DCPH1: variants seen among roughly 807,000 people sequenced by gnomAD.
DCPH1 encodes the protein damage-control phosphatase 1.
At chr6:151,461,671 CA>C in the DCPH1 span, among the ~76,000 whole-genome samples, 1 of 151,614 alleles carries the variant, frequency 6.6e-6, no homozygotes, top group Admixed American at 6.6e-5. Context: ...AACTCCGTCT[CA>C]AAAAAAACAC....
chr6:151,455,060 A>G, the DCPH1 span, among the ~76,000 whole-genome samples: 2 of 152,230 alleles, frequency 1.3e-5, no homozygotes, highest in Admixed American at 6.5e-5. Context: ...TCAAGCTGCT[A>G]TGCAAAGCTC....
chr6:151,460,804 A>G, the DCPH1 span, among the ~76,000 whole-genome samples: 4 of 151,876 alleles, frequency 2.6e-5, no homozygotes, highest in African/African-American at 7.3e-5. Context: ...CAAAAAAACA[A>G]CAAAAAAAAC....
the DCPH1 span, among the ~76,000 whole-genome samples, chr6:151,452,952 T>C: frequency 6.6e-6 from 1 of 152,278 alleles, no homozygotes; most frequent in Non-Finnish European, 1.5e-5. Context: ...TCCCTGTTGT[T>C]GATCAAATCG....
the DCPH1 span, chr6:151,458,556 G>A: frequency 1.9e-6 from 3 of 1,610,166 alleles, no homozygotes; most frequent in South Asian, 3.3e-5. Context: ...AAGAATTCAT[G>A]AAGCAATTAT....
chr6:151,458,428 T>C, the DCPH1 span: 1 of 1,613,710 alleles, frequency 6.2e-7, no homozygotes, highest in Non-Finnish European at 8.5e-7. Context: ...GAGAAATTTG[T>C]TGATACTGAT....
the DCPH1 span, chr6:151,458,281 C>T: frequency 2.5e-6 from 4 of 1,569,758 alleles, no homozygotes; most frequent in Non-Finnish European, 3.5e-6. Flanking sequence ...AGAGGAATTG[C>T]ACAGACACAC....
At chr6:151,460,522 A>G in the DCPH1 span, among the ~76,000 whole-genome samples, 3 of 151,874 alleles carry the variant, frequency 2.0e-5, no homozygotes, top group South Asian at 6.3e-4. Context: ...GCGGTGGCTC[A>G]CACCTGTAAT....
At chr6:151,462,091 G>A in the DCPH1 span, among the ~76,000 whole-genome samples, 1 of 152,288 alleles carries the variant, frequency 6.6e-6, no homozygotes, top group East Asian at 1.9e-4. Flanking sequence ...TAGTCTGCCA[G>A]TCTAAATTAA....
At chr6:151,464,974 T>C in the DCPH1 span, among the ~76,000 whole-genome samples, 12 of 152,210 alleles carry the variant, frequency 7.9e-5, no homozygotes, top group African/African-American at 2.4e-4. Flanking sequence ...AATTTGTGTT[T>C]GGACCTGAGG....
chr6:151,464,510 G>A, the DCPH1 span: 2,180 of 1,610,802 alleles, frequency 1.4e-3, 3 homozygotes, highest in Non-Finnish European at 1.7e-3. Context: ...ATTTCTATGG[G>A]TCACAGGAAT....
At chr6:151,468,273 C>A in the DCPH1 span, 1 of 1,023,944 alleles carries the variant, frequency 9.8e-7, no homozygotes, top group Non-Finnish European at 1.4e-6. Flanking sequence ...GTCCCCCCAT[C>A]CCGCTACATA....
the DCPH1 span, among the ~76,000 whole-genome samples, chr6:151,467,070 G>C: frequency 0.13 from 19,723 of 152,044 alleles, 1,593 homozygotes; most frequent in East Asian, 0.38. Flanking sequence ...GGCTAACATG[G>C]TAAAACCCCA....
chr6:151,464,737 G>A, the DCPH1 span: 1 of 629,100 alleles, frequency 1.6e-6, no homozygotes, highest in Non-Finnish European at 2.5e-6. Flanking sequence ...TTTATCTAGT[G>A]GTGTTAAAAG....
At chr6:151,452,482 G>T in the DCPH1 span, 1 of 1,580,076 alleles carries the variant, frequency 6.3e-7, no homozygotes. Context: ...CCTTCGCGGC[G>T]GTACCGCCTC....
At chr6:151,454,632 ATT>A in the DCPH1 span, 1 of 1,552,376 alleles carries the variant, frequency 6.4e-7, no homozygotes, top group East Asian at 2.3e-5. Context: ...ATAAAAGTGA[ATT>A]TTTTGAGAAA....
chr6:151,457,518 T>C, the DCPH1 span, among the ~76,000 whole-genome samples: 13,265 of 152,176 alleles, frequency 0.087, 736 homozygotes, highest in Middle Eastern at 0.17. Context: ...CAGCTACAAC[T>C]TCTTTTCTTC....
the DCPH1 span, chr6:151,468,837 C>T: frequency 1.2e-6 from 2 of 1,614,216 alleles, no homozygotes; most frequent in African/African-American, 1.3e-5. Flanking sequence ...TTGCACCTGA[C>T]TTATATGCTG....
the DCPH1 span, among the ~76,000 whole-genome samples, chr6:151,461,172 C>G: frequency 6.6e-6 from 1 of 152,130 alleles, no homozygotes; most frequent in Non-Finnish European, 1.5e-5. Flanking sequence ...TGGTAGGAGC[C>G]AAAGCTGCCA....
the DCPH1 span, among the ~76,000 whole-genome samples, chr6:151,459,485 A>G: frequency 6.6e-6 from 1 of 152,182 alleles, no homozygotes; most frequent in Non-Finnish European, 1.5e-5. Context: ...TCCTAGGAAA[A>G]CATCTGATAG....
Sources: gnomAD v4.1 joint callset for allele counts (sites outside exome capture counted in the v4.1 genomes callset) on GRCh38, gnomAD v4.1.1 for gene constraint, MANE v1.5 for transcripts, NCBI Gene and HGNC (gene_info 2026-07-23, HGNC 2026-07-21) for gene names.